Variants in MARCHF1 observed in about 807,000 individuals in gnomAD.
The protein encoded by MARCHF1 is membrane associated ring-CH-type finger 1.
MARCHF1 carries 40 observed loss-of-function variants against 54.2 expected under a neutral mutation model. That is an observed-to-expected ratio of 0.74 (90% CI 0.57 to 0.96). MARCHF1 has a LOEUF of 0.96. Among genes scored for constraint, MARCHF1 ranks in the 40% least tolerant of loss-of-function variants. The probability of loss-of-function intolerance (pLI) is 0.00; values close to 1 mark genes in which losing one functional copy is unlikely to be tolerated. For synonymous variants in MARCHF1, 236 were observed against 236.3 expected (o/e 1.00, Z 0.01); for missense variants, 586 against 656.5 (o/e 0.89, Z 1.17).
chr4:164,079,925 A>C (rs1329066325), intron 2 of MARCHF1, among the ~76,000 whole-genome samples: 1 of 152,204 alleles, frequency 6.6e-6, no homozygotes, highest in South Asian at 2.1e-4. Flanking sequence ...ATAGCCTACT[A>C]CACTGGTAGC....
intron 1 of MARCHF1, among the ~76,000 whole-genome samples, chr4:164,281,652 T>C (rs1264393404): frequency 6.6e-6 from 1 of 152,062 alleles, no homozygotes; most frequent in Admixed American, 6.5e-5. Context: ...TGGTGAGAAG[T>C]GGCAAGCAAG....
intron 1 of MARCHF1, among the ~76,000 whole-genome samples, chr4:164,129,633 CAG>C (rs1262810378): frequency 1.3e-5 from 2 of 152,080 alleles, no homozygotes; most frequent in Non-Finnish European, 2.9e-5. Flanking sequence ...TCATGTAAAA[CAG>C]AAAGTATTGC....
intron 3 of MARCHF1, among the ~76,000 whole-genome samples, chr4:163,910,938 T>A (rs1049447310): frequency 1.3e-5 from 2 of 152,186 alleles, no homozygotes; most frequent in African/African-American, 2.4e-5. Flanking sequence ...TAACAGTAAG[T>A]TAAATGCAAA....
intron 1 of MARCHF1, among the ~76,000 whole-genome samples, chr4:164,250,191 G>T (rs1187453473): frequency 6.6e-6 from 1 of 152,096 alleles, no homozygotes; most frequent in Non-Finnish European, 1.5e-5. Context: ...GATTTGGGGT[G>T]AGTTATGTGC....
intron 2 of MARCHF1, among the ~76,000 whole-genome samples, chr4:164,090,841 G>A (rs1211918825): frequency 6.6e-6 from 1 of 152,112 alleles, no homozygotes; most frequent in Non-Finnish European, 1.5e-5. Context: ...TGGAGGAGGA[G>A]ATAACTGCAT....
At chr4:164,241,661 T>A (rs113470666) in intron 1 of MARCHF1, among the ~76,000 whole-genome samples, 1 of 152,108 alleles carries the variant, frequency 6.6e-6, no homozygotes, top group Admixed American at 6.6e-5. Context: ...GGTCTACAGC[T>A]CCCAGCGTGA....
At chr4:163,804,943 C>T (rs1394087704) in intron 4 of MARCHF1, among the ~76,000 whole-genome samples, 1 of 152,148 alleles carries the variant, frequency 6.6e-6, no homozygotes, top group African/African-American at 2.4e-5. Flanking sequence ...TGATTGCAAT[C>T]TCGAAATGAG....
chr4:164,051,412 G>A (rs1317949637), intron 2 of MARCHF1, among the ~76,000 whole-genome samples: 2 of 152,174 alleles, frequency 1.3e-5, no homozygotes, highest in Non-Finnish European at 2.9e-5. Context: ...GTGTGTCTGT[G>A]TGTGTGTGTT....
intron 1 of MARCHF1, among the ~76,000 whole-genome samples, chr4:164,350,170 T>C (rs374799166): frequency 2.0e-5 from 3 of 152,202 alleles, no homozygotes; most frequent in Non-Finnish European, 4.4e-5. Flanking sequence ...AGTCATGGTA[T>C]TGTATACTGA....
At chr4:164,150,651 G>A (rs1440291012) in intron 1 of MARCHF1, among the ~76,000 whole-genome samples, 3 of 152,070 alleles carry the variant, frequency 2.0e-5, no homozygotes, top group East Asian at 1.9e-4. Context: ...ACAAAGTGTC[G>A]ATTCTCTTCT....
At chr4:163,559,023 A>C (rs946137755) in intron 8 of MARCHF1, among the ~76,000 whole-genome samples, 3 of 152,166 alleles carry the variant, frequency 2.0e-5, no homozygotes, top group African/African-American at 7.2e-5. Flanking sequence ...CAAATTCATC[A>C]TTCTCCATGA....
intron 5 of MARCHF1, among the ~76,000 whole-genome samples, chr4:163,671,995 ACT>A (rs1743752539): frequency 6.6e-6 from 1 of 152,180 alleles, no homozygotes; most frequent in South Asian, 2.1e-4. Context: ...TGAAAATATA[ACT>A]CACCTATTTT....
intron 3 of MARCHF1, among the ~76,000 whole-genome samples, chr4:163,977,673 T>G (rs1043168290): frequency 6.6e-6 from 1 of 152,204 alleles, no homozygotes; most frequent in African/African-American, 2.4e-5. Context: ...GTACAACAAT[T>G]TAATGAAGTC....
chr4:164,126,830 C>T (rs147058221), intron 1 of MARCHF1, among the ~76,000 whole-genome samples: 10 of 152,136 alleles, frequency 6.6e-5, no homozygotes, highest in Non-Finnish European at 8.8e-5. Context: ...CCGAGGCAGG[C>T]GCATCACTTG....
chr4:163,756,213 C>T (rs943330622), intron 4 of MARCHF1, among the ~76,000 whole-genome samples: 13 of 152,098 alleles, frequency 8.5e-5, no homozygotes, highest in Non-Finnish European at 1.3e-4. Context: ...TAGAAAAATA[C>T]TTTGTCCAAA....
rs1473136399 is a variant in MARCHF1 at position 164,061,545 on chromosome 4, G to GT, written c.-248+50042_-248+50043insA. ...GGGGACTGTTGTGGGGTGGGGGGAG[G>GT]GGGGAGGGATAGCATTAGGAGATAT... On this transcript the variant is annotated intron_variant, in intron 2 of 9. Transcript: ENST00000514618. Among the ~76,000 whole-genome samples the GT allele has an allele frequency of 1.9e-5, 2 of 105,014 alleles. 1 individual carries two copies. Among genetic ancestry groups the GT allele is most frequent in the Non-Finnish European group, 3.7e-5 (2 of 54,606 alleles). The allele number at this position is 105,014 out of a possible 152,430, so 68.9% of individuals were successfully genotyped here.
intron 9 of MARCHF1, among the ~76,000 whole-genome samples, chr4:163,535,806 G>C (rs1738510621): frequency 6.7e-6 from 1 of 150,354 alleles, no homozygotes; most frequent in Non-Finnish European, 1.5e-5. Context: ...TATGCAAGGA[G>C]AACAATCATC....
intron 2 of MARCHF1, chr4:164,055,175 G>A (rs1431403584): frequency 6.6e-6 from 1 of 152,162 alleles, no homozygotes; most frequent in Non-Finnish European, 1.5e-5. Context: ...CAGGTGAGGT[G>A]GCTCATGCTT....
At chr4:164,171,711 C>G (rs1730530207) in intron 1 of MARCHF1, among the ~76,000 whole-genome samples, 1 of 152,086 alleles carries the variant, frequency 6.6e-6, no homozygotes, top group African/African-American at 2.4e-5. Context: ...CATCAAGGTC[C>G]TCAGTATACT....
Sources: gnomAD v4.1 joint callset for allele counts (sites outside exome capture counted in the v4.1 genomes callset) on GRCh38, gnomAD v4.1.1 for gene constraint, MANE v1.5 for transcripts, NCBI Gene and HGNC (gene_info 2026-07-23, HGNC 2026-07-21) for gene names.